The following PTPRQ variants were observed in gnomAD, a reference collection of about 807,000 sequenced individuals.
PTPRQ encodes phosphatidylinositol phosphatase PTPRQ.
PTPRQ carries 199 observed loss-of-function variants against 246.0 expected under a neutral mutation model. The observed-to-expected ratio is 0.81, with a 90% confidence interval of 0.72 to 0.91. The LOEUF (loss-of-function observed/expected upper bound fraction) is 0.91. Among genes scored for constraint, PTPRQ ranks in the 40% least tolerant of loss-of-function variants. PTPRQ has a pLI of 0.00. For missense variants in PTPRQ, 2,624 were observed against 2,528.4 expected, an observed-to-expected ratio of 1.04 and a Z score of -0.81; for synonymous variants, 869 against 853.2, an observed-to-expected ratio of 1.02 and a Z score of -0.32.
chr12:80,644,299 T>C (rs1303381314), intron 35 of PTPRQ, among the ~76,000 whole-genome samples: 1 of 152,178 alleles, frequency 6.6e-6, no homozygotes, highest in African/African-American at 2.4e-5. Context: ...TTAAGATTCG[T>C]GTAATAAAAA....
In PTPRQ at chr12:80,546,583, A is replaced by C; in HGVS notation, c.3901A>C (p.Lys1301Gln). Reference sequence around the variant, plus strand: ...TATATCAGGATTTAAAACTGAAGCCAAACTTGTTGGACTGGAACCAGTCAG... The same window carrying C: ...TATATCAGGATTTAAAACTGAAGCCCAACTTGTTGGACTGGAACCAGTCAG... ...KNISGFKTEAKLVGLEPVSTY... is the reference protein window; with the variant it reads ...KNISGFKTEAQLVGLEPVSTY... Residue 1301 changes from lysine to glutamine, a missense_variant, in exon 24 of 45, where the codon AAA (lysine) becomes CAA (glutamine). Coordinates refer to ENST00000644991, the MANE Select transcript of PTPRQ (RefSeq NM_001145026.2). The C allele has an allele frequency of 6.5e-7, 1 of 1,549,052 alleles. No homozygotes were observed. The highest frequency in any genetic ancestry group is 8.7e-7 in the Non-Finnish European group (1 of 1,146,354).
In PTPRQ at chr12:80,496,095, C is replaced by T. The variant is rs964622469; in HGVS notation, c.1979C>T (p.Thr660Ile). ...LSEENDIFVR[T>I]SEDEPESSPQ... ...GAAGAAAATGACATCTTTGTGAGAACTTCAGAAGATGGTAAGAATATCAAT... is the reference window on the plus strand; with the variant it reads ...GAAGAAAATGACATCTTTGTGAGAATTTCAGAAGATGGTAAGAATATCAAT... The change falls in exon 13 of 45, where the codon ACT becomes ATT. Residue 660 changes from threonine (T) to isoleucine (I), a missense_variant. Thr to Ile is a moderately conservative substitution (Grantham distance 89). Coordinates refer to ENST00000644991, the MANE Select transcript of PTPRQ (RefSeq NM_001145026.2). 1.3e-6 allele frequency: 2 copies of T among 1,547,352 alleles called. No individual in the cohort carries two copies. The highest frequency in any genetic ancestry group is 1.2e-5 in the South Asian group (1 of 82,906).
intron 6 of PTPRQ, 142 bp from the exon 7 acceptor site, chr12:80,468,568 C>CT (rs1165819265): frequency 2.5e-6 from 2 of 797,304 alleles, no homozygotes; most frequent in African/African-American, 1.8e-5. Context: ...TCCATTTATT[C>CT]TTTTTTAAGA....
intron 35 of PTPRQ, among the ~76,000 whole-genome samples, chr12:80,647,330 C>A (rs990520818): frequency 3.9e-5 from 6 of 152,102 alleles, no homozygotes; most frequent in African/African-American, 1.4e-4. Context: ...GGAAATAGAC[C>A]TTGGTAATCA....
intron 6 of PTPRQ, among the ~76,000 whole-genome samples, chr12:80,463,971 A>T (rs1893304335): frequency 6.6e-6 from 1 of 152,152 alleles, no homozygotes; most frequent in African/African-American, 2.4e-5. Flanking sequence ...AACGAGCAAA[A>T]TAAACCAGCT....
chr12:80,542,988 T>A lies in PTPRQ; in HGVS notation c.3873+107T>A, dbSNP rs892625090. 9.0e-6 allele frequency: 7 copies of A among 779,320 alleles called. No homozygotes were observed. In the South Asian group the frequency reaches 1.2e-4, roughly 13 times the overall value. The allele number at this position is 779,320 out of a possible 1,614,324, so 48.3% of individuals were successfully genotyped here. On this transcript the variant is annotated intron_variant, in intron 23 of 44. Transcript: ENST00000644991. The stretch of plus-strand genomic sequence containing the variant: ...GACTACTAAATTAAACAATGACTAT[T>A]TTTTTAAACTTCTTTATTTCCTACA...
Position 80,610,469 on chromosome 12 carries a change from A to C in PTPRQ, c.4762A>C (p.Ile1588Leu). Residue 1588 changes from isoleucine to leucine, a missense_variant, in exon 28 of 45, where the codon ATC (isoleucine) becomes CTC (leucine). Ile to Leu is a conservative substitution (Grantham distance 5). Transcript: ENST00000644991. ...TAATGATGAATTTAATATATCCTTC[A>C]TCAAGTCAAATGAAGAAAATAAAAC... ...VDNDEFNISF[I>L]KSNEENKTIE... 6.6e-7 allele frequency: 1 copy of C among 1,513,314 alleles called. No homozygotes were observed. Among genetic ancestry groups the C allele is most frequent in the Non-Finnish European group, 8.9e-7 (1 of 1,123,132 alleles). The allele number at this position is 1,513,314 out of a possible 1,614,324, so 93.7% of individuals were successfully genotyped here. A position where few individuals can be genotyped will look rare whatever the true frequency, so the allele number is the denominator to read the frequency against.
intron 34 of PTPRQ, among the ~76,000 whole-genome samples, chr12:80,633,111 T>C (rs1016224035): frequency 6.6e-6 from 1 of 152,054 alleles, no homozygotes; most frequent in Non-Finnish European, 1.5e-5. Context: ...CCAGCTCCAA[T>C]ATCAAAGAGC....
At chr12:80,522,729 G>A (rs1023847539) in intron 17 of PTPRQ, among the ~76,000 whole-genome samples, 1 of 152,192 alleles carries the variant, frequency 6.6e-6, no homozygotes, top group Admixed American at 6.5e-5. Flanking sequence ...GATCATGGTG[G>A]ATAAGCTTTT....
At chr12:80,638,112 A>C (rs1209702024) in intron 35 of PTPRQ, among the ~76,000 whole-genome samples, 1 of 152,030 alleles carries the variant, frequency 6.6e-6, no homozygotes, top group Non-Finnish European at 1.5e-5. Flanking sequence ...TACTAAAAAT[A>C]CAAAAATTAG....
At chr12:80,466,539 G>T (rs1430220062) in intron 6 of PTPRQ, among the ~76,000 whole-genome samples, 1 of 152,196 alleles carries the variant, frequency 6.6e-6, no homozygotes, top group East Asian at 1.9e-4. Context: ...AAAGGAGCCC[G>T]CATTGCCAAG....
chr12:80,526,063 A>T (rs971329711), intron 17 of PTPRQ: 1 of 152,142 alleles, frequency 6.6e-6, no homozygotes, highest in African/African-American at 2.4e-5. Flanking sequence ...ATATTTCAGC[A>T]TGTTTGTGGT....
At position 80,496,464 on chromosome 12, in the gene PTPRQ, G is replaced by T. The variant is rs983513900; in HGVS notation, c.2205G>T (p.Arg735Ser). Residue 735 changes from arginine to serine, a missense_variant, in exon 14 of 45, where the codon AGG (arginine) becomes AGT (serine). Coordinates refer to ENST00000644991, the MANE Select transcript of PTPRQ (RefSeq NM_001145026.2). ...RPHTLYNISV[R>S]SYTRFGHGNQ... is the part of the protein sequence containing the mutation. The stretch of plus-strand genomic sequence containing the variant: ...ACACCCTCTATAACATTTCTGTAAG[G>T]TCTTACACCAGATTTGGTCATGGCA... 2.6e-6 allele frequency: 4 copies of T among 1,550,386 alleles called. No individual in the cohort carries two copies. The highest frequency in any genetic ancestry group is 3.5e-6 in the Non-Finnish European group (4 of 1,146,396).
chr12:80,641,271 G>C, intron 35 of PTPRQ, among the ~76,000 whole-genome samples: 1 of 152,174 alleles, frequency 6.6e-6, no homozygotes, highest in East Asian at 1.9e-4. Flanking sequence ...AGGGACCCCA[G>C]TAACTGATTG....
intron 38 of PTPRQ, among the ~76,000 whole-genome samples, chr12:80,654,049 T>C (rs186101128): frequency 1.4e-5 from 2 of 147,360 alleles, no homozygotes; most frequent in African/African-American, 2.7e-5. Context: ...TCTTTCTTTC[T>C]TTTCTTTCTT....
Position 80,605,878 on chromosome 12 carries a change from A to G in PTPRQ, c.4731+698A>G, listed in dbSNP as rs564266716. On this transcript the variant is annotated intron_variant, in intron 27 of 44. Coordinates refer to ENST00000644991, the MANE Select transcript of PTPRQ (RefSeq NM_001145026.2). ...GATACAGATTTCTACTGTATAACAT[A>G]GGCATGGTTGCAGTGTAGAGGATAG... Among the ~76,000 whole-genome samples, 7 of 151,286 alleles carry G rather than the reference A, an allele frequency of 4.6e-5. No homozygotes were observed. In the South Asian group the frequency reaches 8.3e-4, roughly 18 times the overall value.
chr12:80,658,278 G>A (rs1026214993), intron 39 of PTPRQ, among the ~76,000 whole-genome samples: 28 of 152,082 alleles, frequency 1.8e-4, no homozygotes, highest in African/African-American at 4.8e-4. Context: ...TCACCAGTGC[G>A]CGGCAGATGT....
intron 25 of PTPRQ, among the ~76,000 whole-genome samples, chr12:80,577,477 C>T (rs1382693635): frequency 6.6e-6 from 1 of 152,122 alleles, no homozygotes; most frequent in African/African-American, 2.4e-5. Flanking sequence ...CCTCCCATGA[C>T]ATATGGGGAT....
chr12:80,569,648 T>C (rs1321856583), intron 25 of PTPRQ, among the ~76,000 whole-genome samples: 1 of 151,986 alleles, frequency 6.6e-6, no homozygotes, highest in South Asian at 2.1e-4. Context: ...GCAGGTTTCT[T>C]ACATAGGTAT....
Sources: gnomAD v4.1 joint callset for allele counts (sites outside exome capture counted in the v4.1 genomes callset) on GRCh38, gnomAD v4.1.1 for gene constraint, MANE v1.5 for transcripts, NCBI Gene and HGNC (gene_info 2026-07-23, HGNC 2026-07-21) for gene names.